RALYL: variants seen among roughly 807,000 people sequenced by gnomAD.
RALYL encodes the protein RALY RNA binding protein like.
RALYL carries 29 observed loss-of-function variants against 35.1 expected under a neutral mutation model. The ratio of observed to expected loss-of-function variants is 0.83; its 90% CI spans 0.61 to 1.13. RALYL has a LOEUF of 1.13. Ranked by LOEUF, RALYL falls within the 50% of genes most tolerant of loss-of-function variation. The pLI, the probability that RALYL is intolerant of heterozygous loss-of-function variation, is 0.00. For synonymous variants in RALYL, 120 were observed against 127.6 expected (o/e 0.94, Z 0.40); for missense variants, 359 against 360.4 (o/e 1.00, Z 0.03).
chr8:84,193,900 T>C (rs1563509722), intron 1 of RALYL, among the ~76,000 whole-genome samples: 2 of 152,108 alleles, frequency 1.3e-5, no homozygotes, highest in Non-Finnish European at 1.5e-5. Flanking sequence ...GATATGAAGA[T>C]ATAAATAAAT....
rs184794031 is a variant in RALYL at position 84,523,202 on chromosome 8, A to G, written c.-23-6097A>G. ...TCCACATGGCTGGGGAGGCCTCACA[A>G]TCATGGCGGAAGGTGAATGAAGAGC... is the stretch of plus-strand genomic sequence containing the variant. On this transcript the variant is annotated intron_variant, in intron 1 of 8. Coordinates refer to ENST00000521268, the MANE Select transcript of RALYL (RefSeq NM_173848.7). Among the ~76,000 whole-genome samples, 925 of 151,996 alleles carry G rather than the reference A, an allele frequency of 6.1e-3. 7 individuals carry two copies. Among genetic ancestry groups the G allele is most frequent in the African/African-American group, 0.02 (849 of 41,536 alleles).
intron 1 of RALYL, among the ~76,000 whole-genome samples, chr8:84,282,059 T>C (rs577021308): frequency 6.6e-6 from 1 of 152,214 alleles, no homozygotes; most frequent in South Asian, 2.1e-4. Flanking sequence ...ATAGTCTCTG[T>C]GGAAATCTCT....
chr8:84,870,920 C>A (rs1840076481), intron 6 of RALYL, among the ~76,000 whole-genome samples: 11 of 152,114 alleles, frequency 7.2e-5, no homozygotes, highest in Admixed American at 7.2e-4. Context: ...GATGAGGAAA[C>A]GACTTCTACA....
intron 2 of RALYL, among the ~76,000 whole-genome samples, chr8:84,582,005 T>A (rs1368051667): frequency 6.6e-6 from 1 of 152,132 alleles, no homozygotes; most frequent in East Asian, 1.9e-4. Context: ...CAAGTAAGTG[T>A]CCAGATTGAC....
chr8:84,613,814 A>G lies in RALYL; in HGVS notation c.256+84237A>G, dbSNP rs187861572. On this transcript the variant is annotated intron_variant, in intron 2 of 8. Transcript: ENST00000521268. ...CCTAATTCATGCAAAATTATTACTTAAGGTCAGAAATCCGCAGTTTTTACT... is the reference window on the plus strand; with the variant it reads ...CCTAATTCATGCAAAATTATTACTTGAGGTCAGAAATCCGCAGTTTTTACT... Among the ~76,000 whole-genome samples the G allele has an allele frequency of 1.0e-3, 156 of 150,660 alleles. 4 individuals are homozygous for G. The highest frequency in any genetic ancestry group is 3.5e-3 in the African/African-American group (144 of 40,828).
chr8:84,581,353 C>T (rs1165578386), intron 2 of RALYL, among the ~76,000 whole-genome samples: 3 of 152,178 alleles, frequency 2.0e-5, no homozygotes, highest in Admixed American at 6.5e-5. Context: ...CTCATATCCA[C>T]GGTTATGAAT....
intron 2 of RALYL, among the ~76,000 whole-genome samples, chr8:84,605,508 T>C (rs1031435446): frequency 6.6e-6 from 1 of 152,116 alleles, no homozygotes; most frequent in African/African-American, 2.4e-5. Flanking sequence ...AATCAGCCGA[T>C]GATTTGAGGA....
chr8:84,635,762 A>T, intron 2 of RALYL, among the ~76,000 whole-genome samples: 1 of 151,766 alleles, frequency 6.6e-6, no homozygotes, highest in Non-Finnish European at 1.5e-5. Context: ...GGCTCTTAGC[A>T]TGGTGCGCAG....
intron 1 of RALYL, among the ~76,000 whole-genome samples, chr8:84,486,050 G>A (rs1327894899): frequency 2.5e-5 from 3 of 121,848 alleles, no homozygotes; most frequent in Admixed American, 9.6e-5. Flanking sequence ...TTAGAATTTA[G>A]ACAGTAGCCT....
At chr8:84,513,822 G>T (rs1012214939) in intron 1 of RALYL, among the ~76,000 whole-genome samples, 16 of 152,048 alleles carry the variant, frequency 1.1e-4, no homozygotes, top group African/African-American at 3.9e-4. Context: ...AGGACCAGGT[G>T]CAGTGGCTCA....
intron 2 of RALYL, among the ~76,000 whole-genome samples, chr8:84,578,417 G>T (rs538659359): frequency 5.3e-5 from 8 of 152,318 alleles, no homozygotes; most frequent in African/African-American, 1.4e-4. Flanking sequence ...CCTTCTAGTT[G>T]CCTGCAATGT....
At chr8:84,615,837 T>C (rs944590436) in intron 2 of RALYL, among the ~76,000 whole-genome samples, 9 of 113,726 alleles carry the variant, frequency 7.9e-5, no homozygotes, top group Non-Finnish European at 1.6e-4. Context: ...TGAGTGAGAA[T>C]ATGCGGTGTT....
intron 1 of RALYL, among the ~76,000 whole-genome samples, chr8:84,305,991 C>T (rs913304965): frequency 5.3e-5 from 8 of 151,992 alleles, no homozygotes; most frequent in Non-Finnish European, 1.2e-4. Flanking sequence ...AGTGAAACCC[C>T]ATCTCTACTA....
At chr8:84,731,596 C>G (rs891411759) in intron 2 of RALYL, among the ~76,000 whole-genome samples, 10 of 152,244 alleles carry the variant, frequency 6.6e-5, no homozygotes, top group African/African-American at 2.4e-4. Context: ...CTATTGCAAA[C>G]ATTAACATCT....
chr8:84,857,321 G>A (rs975746423), intron 5 of RALYL, among the ~76,000 whole-genome samples: 2 of 152,046 alleles, frequency 1.3e-5, no homozygotes, highest in African/African-American at 2.4e-5. Context: ...AGCCCCCTAG[G>A]GAAGACCAAA....
chr8:84,413,855 G>A (rs543821387), intron 1 of RALYL, among the ~76,000 whole-genome samples: 5 of 152,004 alleles, frequency 3.3e-5, no homozygotes, highest in South Asian at 2.1e-4. Context: ...AATCATTGTC[G>A]TCATCATTAA....
chr8:84,661,801 T>G (rs922883380), intron 2 of RALYL, among the ~76,000 whole-genome samples: 1 of 152,074 alleles, frequency 6.6e-6, no homozygotes, highest in African/African-American at 2.4e-5. Flanking sequence ...CCTAAGTGTA[T>G]GGTTATTTAT....
intron 1 of RALYL, 32 bp from the exon 2 acceptor site, chr8:84,529,267 A>G (rs1273864338): frequency 2.7e-5 from 42 of 1,543,562 alleles, no homozygotes; most frequent in Non-Finnish European, 3.7e-5. Context: ...CCTTTTGATT[A>G]TTTGTTTTGT....
At chr8:84,308,218 A>G (rs754129714) in intron 1 of RALYL, among the ~76,000 whole-genome samples, 1 of 152,166 alleles carries the variant, frequency 6.6e-6, no homozygotes, top group Non-Finnish European at 1.5e-5. Flanking sequence ...TTACAAAAAT[A>G]ATAAAATGTA....
Sources: gnomAD v4.1 joint callset for allele counts (sites outside exome capture counted in the v4.1 genomes callset) on GRCh38, gnomAD v4.1.1 for gene constraint, MANE v1.5 for transcripts, NCBI Gene and HGNC (gene_info 2026-07-23, HGNC 2026-07-21) for gene names.